The following PARD3B variants were observed in gnomAD, a reference collection of about 807,000 sequenced individuals.
PARD3B encodes the protein partitioning defective 3 homolog B.
PARD3B carries 103 observed loss-of-function variants against 130.2 expected under a neutral mutation model. The ratio of observed to expected loss-of-function variants is 0.79; its 90% CI spans 0.67 to 0.93. The LOEUF (loss-of-function observed/expected upper bound fraction) is 0.93, where lower values mean the gene tolerates loss of function less well. PARD3B is among the 40% of genes least tolerant of loss of function. PARD3B has a pLI of 0.00. For synonymous variants in PARD3B, 583 were observed against 553.2 expected, an observed-to-expected ratio of 1.05 and a Z score of -0.76; for missense variants, 1,609 against 1,499.2, an observed-to-expected ratio of 1.07 and a Z score of -1.21.
At chr2:205,393,754 C>T (rs980808553) in intron 18 of PARD3B, among the ~76,000 whole-genome samples, 1 of 152,064 alleles carries the variant, frequency 6.6e-6, no homozygotes, top group Admixed American at 6.6e-5. Flanking sequence ...TGTAGATAGA[C>T]AGAATGTAGC....
At position 205,268,529 on chromosome 2, in the gene PARD3B, T is replaced by C. The variant is rs189900594; in HGVS notation, c.2185+22707T>C. Reference sequence around the variant, plus strand: ...CCACTGGAAAATAAGAGAAAGAAAATTGAGTTTCAAGGACGTAGAAAAATC... The same window carrying C: ...CCACTGGAAAATAAGAGAAAGAAAACTGAGTTTCAAGGACGTAGAAAAATC... On this transcript the variant is annotated intron_variant, in intron 16 of 22. Transcript: ENST00000406610. This position sits in a 1 kb window ranked among gnomAD's most constrained non-coding sequence, Gnocchi z 4.1. 2.5e-4 allele frequency among the ~76,000 whole-genome samples: 38 copies of C among 152,122 alleles called. No homozygotes were observed. Among genetic ancestry groups the C allele is most frequent in the African/African-American group, 6.7e-4 (28 of 41,510 alleles).
intron 2 of PARD3B, among the ~76,000 whole-genome samples, chr2:204,850,110 G>A (rs1052916842): frequency 3.9e-5 from 6 of 152,128 alleles, no homozygotes; most frequent in Non-Finnish European, 5.9e-5. Context: ...AACTTGCATA[G>A]TTTGCCTTGG....
intron 5 of PARD3B, among the ~76,000 whole-genome samples, chr2:205,106,640 C>T (rs1432176564): frequency 6.6e-6 from 1 of 152,022 alleles, no homozygotes; most frequent in Non-Finnish European, 1.5e-5. Flanking sequence ...TTAATTGACA[C>T]CCACCACTCT....
At position 204,799,937 on chromosome 2, in the gene PARD3B, G is replaced by A. The variant is rs2042506488; in HGVS notation, c.222+113655G>A. On this transcript the variant is annotated intron_variant, in intron 2 of 22. Transcript: ENST00000406610. This position sits in a 1 kb window ranked among gnomAD's most constrained non-coding sequence, Gnocchi z 4.1. The stretch of plus-strand genomic sequence containing the variant: ...GTACAAACAAGCCAAGACTGTGAAG[G>A]CTACAATAAATACCTAACTCTACAA... Among the ~76,000 whole-genome samples the A allele has an allele frequency of 6.6e-6, 1 of 152,178 alleles. No homozygotes were observed. Among genetic ancestry groups the A allele is most frequent in the African/African-American group, 2.4e-5 (1 of 41,460 alleles).
chr2:205,101,305 TGAAAATAA>T (rs1702771234), intron 4 of PARD3B, among the ~76,000 whole-genome samples: 2 of 152,000 alleles, frequency 1.3e-5, no homozygotes, highest in African/African-American at 4.8e-5. Context: ...AAATTAAAAA[TGAAAATAA>T]GCTGTGGCAA....
chr2:205,010,342 A>G (rs553379773), intron 3 of PARD3B, among the ~76,000 whole-genome samples: 3 of 152,274 alleles, frequency 2.0e-5, no homozygotes, highest in Admixed American at 1.3e-4. Flanking sequence ...TCTGTGCATG[A>G]ACTCCTCTTT....
chr2:205,021,163 G>C lies in PARD3B; in HGVS notation c.395-26418G>C, dbSNP rs1696570449. Among the ~76,000 whole-genome samples, 1 of 152,154 alleles carries C rather than the reference G, an allele frequency of 6.6e-6. No individual in the cohort carries two copies. The highest frequency in any genetic ancestry group is 6.6e-5 in the Admixed American group (1 of 15,266). ...ATAAAGCAAATTGGAATGATTTCAT[G>C]AACCTGTGTAGAGGTCTGCAACTGG... On this transcript the variant is annotated intron_variant, in intron 3 of 22. Coordinates refer to ENST00000406610, the MANE Select transcript of PARD3B (RefSeq NM_001302769.2). The surrounding 1 kb of genome is among the most constrained non-coding windows in gnomAD (Gnocchi z 4.5).
intron 22 of PARD3B, among the ~76,000 whole-genome samples, chr2:205,553,612 T>A (rs1320611545): frequency 6.6e-6 from 1 of 152,204 alleles, no homozygotes; most frequent in East Asian, 1.9e-4. Context: ...AAATAGTATA[T>A]CATTGCAATT....
chr2:204,948,196 G>C (rs937613791), intron 2 of PARD3B, among the ~76,000 whole-genome samples: 31 of 152,128 alleles, frequency 2.0e-4, no homozygotes, highest in African/African-American at 7.0e-4. Context: ...GATTTATGGA[G>C]TCATTTTCCC....
intron 19 of PARD3B, among the ~76,000 whole-genome samples, chr2:205,430,685 G>T (rs1374086009): frequency 6.6e-6 from 1 of 152,144 alleles, no homozygotes; most frequent in Non-Finnish European, 1.5e-5. Context: ...GAGAAATCCA[G>T]CACATGGGAC....
intron 18 of PARD3B, among the ~76,000 whole-genome samples, chr2:205,370,013 C>T (rs2044750208): frequency 6.6e-6 from 1 of 152,188 alleles, no homozygotes; most frequent in Admixed American, 6.5e-5. Flanking sequence ...CCCCTCCCTG[C>T]TGGACTGCTC....
chr2:204,563,620 A>T (rs1339479774), intron 1 of PARD3B, among the ~76,000 whole-genome samples: 1 of 152,176 alleles, frequency 6.6e-6, no homozygotes, highest in Non-Finnish European at 1.5e-5. Context: ...ATTATTGAGA[A>T]TTGAAGGTTA....
At chr2:204,714,875 C>A (rs190323541) in intron 2 of PARD3B, among the ~76,000 whole-genome samples, 1 of 152,248 alleles carries the variant, frequency 6.6e-6, no homozygotes, top group African/African-American at 2.4e-5. Context: ...TAGTGAGGTG[C>A]TATAATTTTC....
intron 16 of PARD3B, among the ~76,000 whole-genome samples, chr2:205,255,843 C>G (rs1263038659): frequency 3.3e-5 from 5 of 152,114 alleles, no homozygotes; most frequent in African/African-American, 1.2e-4. Flanking sequence ...AAACCCTGTG[C>G]TCTTGGGCTA....
intron 1 of PARD3B, among the ~76,000 whole-genome samples, chr2:204,622,429 A>G (rs1300720069): frequency 6.6e-6 from 1 of 152,062 alleles, no homozygotes; most frequent in Non-Finnish European, 1.5e-5. Context: ...ATTACATACA[A>G]CTCATTTCCT....
intron 2 of PARD3B, among the ~76,000 whole-genome samples, chr2:204,780,619 G>A (rs961937139): frequency 3.3e-5 from 5 of 152,064 alleles, no homozygotes; most frequent in Non-Finnish European, 5.9e-5. Flanking sequence ...TGTTTAGAAC[G>A]ATTTTAATCC....
chr2:205,574,908 T>A (rs1042752133), intron 22 of PARD3B, among the ~76,000 whole-genome samples: 3 of 151,126 alleles, frequency 2.0e-5, no homozygotes, highest in African/African-American at 7.3e-5. Flanking sequence ...AAGACAGAAT[T>A]TACAGACTAG....
chr2:204,836,989 G>T (rs929946034), intron 2 of PARD3B, among the ~76,000 whole-genome samples: 20 of 152,048 alleles, frequency 1.3e-4, no homozygotes, highest in African/African-American at 4.6e-4. Context: ...GAAATGCAAG[G>T]CCTCTACAGA....
chr2:205,372,586 A>G (rs968460194), intron 18 of PARD3B, among the ~76,000 whole-genome samples: 1 of 152,240 alleles, frequency 6.6e-6, no homozygotes, highest in Non-Finnish European at 1.5e-5. Flanking sequence ...AAAAATGAGG[A>G]AAAAATTTGG....
Sources: gnomAD v4.1 joint callset for allele counts (sites outside exome capture counted in the v4.1 genomes callset) on GRCh38, gnomAD v4.1.1 for gene constraint, Gnocchi (gnomAD v3.1) non-coding constraint, MANE v1.5 for transcripts, NCBI Gene and HGNC (gene_info 2026-07-23, HGNC 2026-07-21) for gene names.